The following BACH2 variants were observed in gnomAD, a reference collection of about 807,000 sequenced individuals.
The protein encoded by BACH2 is BACH transcriptional regulator 2, also known as transcription regulator protein BACH2.
BACH2 carries 5 observed loss-of-function variants against 61.8 expected under a neutral mutation model. The observed-to-expected ratio is 0.08, with a 90% CI of 0.04 to 0.17. The LOEUF (loss-of-function observed/expected upper bound fraction) is 0.17. BACH2 is among the 10% of genes least tolerant of loss of function. The probability of loss-of-function intolerance (pLI) is 1.00; values close to 1 mark genes in which losing one functional copy is unlikely to be tolerated. For missense variants in BACH2, 824 were observed against 1,091.1 expected (o/e 0.76, Z 3.45); for synonymous variants, 446 against 440.1 (o/e 1.01, Z -0.17).
At chr6:89,972,808 G>A (rs1281837824) in intron 6 of BACH2, among the ~76,000 whole-genome samples, 1 of 152,094 alleles carries the variant, frequency 6.6e-6, no homozygotes, top group Non-Finnish European at 1.5e-5. Flanking sequence ...AAAAAACGAC[G>A]GGCTGGGTGC....
At chr6:89,967,446 A>T (rs1775104840) in intron 6 of BACH2, among the ~76,000 whole-genome samples, 1 of 152,182 alleles carries the variant, frequency 6.6e-6, no homozygotes, top group Admixed American at 6.5e-5. Context: ...TTTGGATGGA[A>T]TTTTAGTCAC....
At chr6:90,112,350 G>C (rs1783210158) in intron 4 of BACH2, among the ~76,000 whole-genome samples, 1 of 152,180 alleles carries the variant, frequency 6.6e-6, no homozygotes, top group Non-Finnish European at 1.5e-5. Flanking sequence ...GGCAACTAGA[G>C]AGAAAGGGCA....
chr6:90,153,633 C>T (rs1005471758), intron 4 of BACH2, among the ~76,000 whole-genome samples: 2 of 152,128 alleles, frequency 1.3e-5, no homozygotes, highest in South Asian at 2.1e-4. Context: ...ATAGGATTTA[C>T]CTTCAAAATC....
At chr6:90,179,329 C>G (rs1582454617) in intron 4 of BACH2, among the ~76,000 whole-genome samples, 1 of 152,128 alleles carries the variant, frequency 6.6e-6, no homozygotes, top group East Asian at 1.9e-4. Context: ...TTACAAATAT[C>G]AAAGAAACAA....
chr6:90,013,748 T>TC (rs1341012783), intron 5 of BACH2, among the ~76,000 whole-genome samples: 1 of 151,904 alleles, frequency 6.6e-6, no homozygotes, highest in African/African-American at 2.4e-5. Flanking sequence ...GACTTTGTGA[T>TC]CCCCCCGCCT....
At chr6:90,021,299 TAA>T (rs200724602) in intron 5 of BACH2, among the ~76,000 whole-genome samples, 2,601 of 100,200 alleles carry the variant, frequency 0.026, 62 homozygotes, top group African/African-American at 0.079. Flanking sequence ...AGCAAAAAAG[TAA>T]AAAAAAAAAA....
intron 5 of BACH2, among the ~76,000 whole-genome samples, chr6:90,067,741 T>C (rs1346959935): frequency 6.6e-6 from 1 of 152,122 alleles, no homozygotes; most frequent in Non-Finnish European, 1.5e-5. Flanking sequence ...TTCTAAATGG[T>C]GGTAATCGGC....
chr6:90,163,491 C>T (rs1004394066), intron 4 of BACH2, among the ~76,000 whole-genome samples: 1 of 152,108 alleles, frequency 6.6e-6, no homozygotes, highest in African/African-American at 2.4e-5. Context: ...ATGTGGACCC[C>T]TAAGAGTACA....
At chr6:90,064,155 G>A (rs192483961) in intron 5 of BACH2, among the ~76,000 whole-genome samples, 3 of 152,264 alleles carry the variant, frequency 2.0e-5, no homozygotes, top group Non-Finnish European at 4.4e-5. Flanking sequence ...GATGACTCAG[G>A]ATAACTCAAA....
Position 89,951,103 on chromosome 6 carries a change from C to A in BACH2, c.1003G>T (p.Val335Leu), listed in dbSNP as rs755616971. 2.5e-6 allele frequency: 4 copies of A among 1,612,328 alleles called. No individual in the cohort carries two copies. Among genetic ancestry groups the A allele is most frequent in the East Asian group, 4.5e-5 (2 of 44,832 alleles). The part of the protein sequence containing the change: ...GAACLERSRS[V>L]ASPSCLRSLF... ...GACCTTAAGCAGGAGGGCGAGGCCA[C>A]GCTCCTGGATCTCTCCAGGCAGGCG... Residue 335 changes from valine (V) to leucine (L), a missense_variant, in exon 7 of 9, where the codon GTG (valine) becomes TTG (leucine). By Grantham distance (32) the Val-to-Leu change is conservative (BLOSUM62 1). Around this residue, in one of 8 missense-constraint regions of BACH2, gnomAD observed 226 missense variants for 228.5 expected, o/e 0.99. Coordinates refer to ENST00000257749, the MANE Select transcript of BACH2 (RefSeq NM_021813.4). This position sits in a 1 kb window ranked among gnomAD's most constrained non-coding sequence, Gnocchi z 6.4.
intron 4 of BACH2, among the ~76,000 whole-genome samples, chr6:90,143,392 A>G (rs747060966): frequency 1.3e-5 from 2 of 152,174 alleles, no homozygotes; most frequent in African/African-American, 2.4e-5. Flanking sequence ...CGGTTGTGCA[A>G]CGCTGGGCAA....
intron 4 of BACH2, among the ~76,000 whole-genome samples, chr6:90,170,468 C>T (rs1023122105): frequency 1.3e-5 from 2 of 152,120 alleles, no homozygotes; most frequent in Admixed American, 6.5e-5. Flanking sequence ...GTCTCCAGCA[C>T]CTAAAATGTA....
At chr6:89,938,841 G>A (rs899786600) in intron 7 of BACH2, among the ~76,000 whole-genome samples, 2 of 152,280 alleles carry the variant, frequency 1.3e-5, no homozygotes, top group East Asian at 3.9e-4. Flanking sequence ...ATGGGAGATA[G>A]GAGGAGATAA....
At chr6:90,185,210 G>C (rs980633567) in intron 4 of BACH2, among the ~76,000 whole-genome samples, 3 of 152,160 alleles carry the variant, frequency 2.0e-5, no homozygotes, top group South Asian at 4.1e-4. Context: ...TTCCACTTTA[G>C]GTGAACAATA....
Position 90,095,430 on chromosome 6 carries a change from G to A in BACH2, c.-161-6321C>T, listed in dbSNP as rs887545337. Among the ~76,000 whole-genome samples, 6 of 152,066 alleles carry A rather than the reference G, an allele frequency of 3.9e-5. No individual in the cohort carries two copies. In the East Asian group the frequency reaches 7.7e-4, roughly 20 times the overall value. On this transcript the variant is annotated intron_variant, in intron 4 of 8. Coordinates refer to ENST00000257749, the MANE Select transcript of BACH2 (RefSeq NM_021813.4). ...ATGCAGTTATTTCAGACAGGATGGC[G>A]AACATTAATTGAGATTAAACAGCTC...
chr6:90,180,860 TACACACAC>T lies in BACH2; in HGVS notation c.-162+25701_-162+25708del, dbSNP rs111933173. On this transcript the variant is annotated intron_variant, in intron 4 of 8. Transcript: ENST00000257749. ...CAGAATGAAATGGAATTATGTGTAT[TACACACAC>T]ACACACACACACACACACACACATT... Among the ~76,000 whole-genome samples, 120 of 147,274 alleles carry T rather than the reference TACACACAC, an allele frequency of 8.1e-4. 1 individual carries two copies. Among genetic ancestry groups the T allele is most frequent in the African/African-American group, 2.8e-3 (111 of 40,126 alleles).
At chr6:90,122,404 C>A (rs1783665908) in intron 4 of BACH2, among the ~76,000 whole-genome samples, 2 of 151,278 alleles carry the variant, frequency 1.3e-5, no homozygotes, top group South Asian at 4.2e-4. Flanking sequence ...ACCAGAACAA[C>A]AAGAACAATC....
At chr6:90,231,748 C>T (rs1467214795) in intron 3 of BACH2, among the ~76,000 whole-genome samples, 1 of 152,164 alleles carries the variant, frequency 6.6e-6, no homozygotes, top group Non-Finnish European at 1.5e-5. Flanking sequence ...TTTCTAGTTG[C>T]TTGTTTCAGA....
intron 4 of BACH2, among the ~76,000 whole-genome samples, chr6:90,135,099 G>A (rs1784227476): frequency 6.6e-6 from 1 of 152,184 alleles, no homozygotes; most frequent in Non-Finnish European, 1.5e-5. Flanking sequence ...CTGGCAGCAT[G>A]CTAAAGCCAT....
Sources: gnomAD v4.1 joint callset for allele counts (sites outside exome capture counted in the v4.1 genomes callset) on GRCh38, gnomAD v4.1.1 for gene constraint, gnomAD v4.1.1 regional missense constraint, Gnocchi (gnomAD v3.1) non-coding constraint, MANE v1.5 for transcripts, NCBI Gene and HGNC (gene_info 2026-07-23, HGNC 2026-07-21) for gene names.